Variants in NCKAP1 observed in about 807,000 individuals in gnomAD.
The protein encoded by NCKAP1 is NCK associated protein 1.
NCKAP1 carries 21 observed loss-of-function variants against 151.2 expected under a neutral mutation model. That is an observed-to-expected ratio of 0.14 (90% CI 0.10 to 0.20). The LOEUF is 0.20. NCKAP1 is among the 10% of genes least tolerant of loss of function. NCKAP1 has a pLI of 1.00. For synonymous variants in NCKAP1, 484 were observed against 451.8 expected, an observed-to-expected ratio of 1.07 and a Z score of -0.90; for missense variants, 933 against 1,352.1, an observed-to-expected ratio of 0.69 and a Z score of 4.86.
chr2:183,031,201 T>C (rs933033243), intron 1 of NCKAP1, among the ~76,000 whole-genome samples: 1 of 152,144 alleles, frequency 6.6e-6, no homozygotes, highest in Non-Finnish European at 1.5e-5. Context: ...CAACCCATTA[T>C]ACACTTCAAA....
At chr2:182,981,931 T>C (rs10201964) in intron 12 of NCKAP1, among the ~76,000 whole-genome samples, 1 of 140,886 alleles carries the variant, frequency 7.1e-6, no homozygotes, top group African/African-American at 2.6e-5. Flanking sequence ...AAAAAAAAAA[T>C]TTAAATTAAA....
chr2:183,019,702 C>G lies in NCKAP1; in HGVS notation c.219+4104G>C, dbSNP rs557771679. Among the ~76,000 whole-genome samples the G allele has an allele frequency of 9.9e-5, 15 of 152,262 alleles. No individual in the cohort carries two copies. In the South Asian group the frequency reaches 3.1e-3, roughly 32 times the overall value. ...ACATAACCTGGCACACATTAGATAACAAGTGGCTGCTATAATTATAAAACT... is the reference window on the plus strand; with the variant it reads ...ACATAACCTGGCACACATTAGATAAGAAGTGGCTGCTATAATTATAAAACT... On this transcript the variant is annotated intron_variant, in intron 2 of 30. Coordinates refer to ENST00000361354, the MANE Select transcript of NCKAP1 (RefSeq NM_013436.5).
chr2:182,995,198 C>A (rs935153429), intron 7 of NCKAP1, among the ~76,000 whole-genome samples: 2 of 152,120 alleles, frequency 1.3e-5, no homozygotes, highest in African/African-American at 4.8e-5. Flanking sequence ...TCAAAGTTTA[C>A]AATATTCCAA....
intron 16 of NCKAP1, among the ~76,000 whole-genome samples, chr2:182,965,038 C>A (rs1048983362): frequency 2.0e-4 from 30 of 151,976 alleles, no homozygotes; most frequent in African/African-American, 7.2e-4. Context: ...AAACCATAAT[C>A]TATGGCCTCT....
chr2:182,962,253 A>G lies in NCKAP1; in HGVS notation c.1787T>C (p.Leu596Pro). The G allele has an allele frequency of 6.2e-7, 1 of 1,609,628 alleles. No individual in the cohort carries two copies. Among genetic ancestry groups the G allele is most frequent in the Middle Eastern group, 1.7e-4 (1 of 6,052 alleles). Residue 596 changes from leucine (L) to proline (P), a missense_variant, in exon 18 of 31, where the codon CTT becomes CCT. Physicochemically the swap from Leu to Pro is moderately conservative, Grantham distance 98. This residue lies in a region of NCKAP1 where 607 missense variants were observed against 795.0 expected (regional missense o/e 0.76). Coordinates refer to ENST00000361354, the MANE Select transcript of NCKAP1 (RefSeq NM_013436.5). Reference sequence around the variant, plus strand: ...ATCTAGGAACATATTACATAAGGAAAGACTGCGATCTCCAATATGATGTCG... The same window carrying G: ...ATCTAGGAACATATTACATAAGGAAGGACTGCGATCTCCAATATGATGTCG... ...EERHHIGDRS[L>P]SLCNMFLDEM...
At chr2:182,935,497 A>G (rs941200045) in intron 24 of NCKAP1, 122 bp from the exon 25 acceptor site, 2 of 557,772 alleles carry the variant, frequency 3.6e-6, no homozygotes, top group African/African-American at 3.9e-5. Flanking sequence ...AGGCACAATT[A>G]ACAGTAATTT....
At chr2:182,936,265 ACT>A (rs1696872722) in intron 24 of NCKAP1, among the ~76,000 whole-genome samples, 1 of 151,892 alleles carries the variant, frequency 6.6e-6, no homozygotes, top group African/African-American at 2.4e-5. Context: ...AAAAAATAAA[ACT>A]CTGTTAACAA....
intron 26 of NCKAP1, chr2:182,934,522 A>C: frequency 3.5e-6 from 1 of 282,608 alleles, no homozygotes; most frequent in South Asian, 1.1e-4. Context: ...ATCTATTTTT[A>C]GTCAATTTTG....
chr2:183,011,115 A>T (rs573549902), intron 2 of NCKAP1, among the ~76,000 whole-genome samples: 2 of 152,286 alleles, frequency 1.3e-5, no homozygotes, highest in East Asian at 1.9e-4. Context: ...ATCAATTATC[A>T]TTTGCTCCTG....
In NCKAP1 at chr2:183,038,081, G is replaced by C; in HGVS notation, c.19C>G (p.Gln7Glu). 2.5e-6 allele frequency: 4 copies of C among 1,578,506 alleles called. No homozygotes were observed. The highest frequency in any genetic ancestry group is 3.4e-6 in the Non-Finnish European group (4 of 1,170,896). ...TCCGCCAGCTTCTGCTGACTGGGCT[G>C]CAGCACTGAGCGCGACATGGTGGTG... Reference protein sequence around the residue: MSRSVLQPSQQKLAEKL... With the variant: MSRSVLEPSQQKLAEKL... The change falls in exon 1 of 31, where the codon CAG becomes GAG. Residue 7 changes from glutamine (Q) to glutamate (E), a missense_variant. Transcript: ENST00000361354.
chr2:182,919,280 T>C lies in NCKAP1; in HGVS notation c.*6422A>G, dbSNP rs1696512359. ...CAGACTGCAAAGACCCTTGTACCTT[T>C]TGGCTGAAGGTAAGAATTCAGAATG... On this transcript the variant is annotated 3_prime_UTR_variant, in exon 31 of 31. Transcript: ENST00000361354. 6.6e-6 allele frequency: 1 copy of C among 152,204 alleles called. No homozygotes were observed. The highest frequency in any genetic ancestry group is 6.5e-5 in the Admixed American group (1 of 15,280). 9.4% of individuals were successfully genotyped at this position (152,204 alleles called of 1,614,324 possible). A position where few individuals can be genotyped will look rare whatever the true frequency, so the allele number is the denominator to read the frequency against.
In NCKAP1 at chr2:182,954,704, T is replaced by G. The variant is rs569820717; in HGVS notation, c.2154-1373A>C. 3.9e-4 allele frequency among the ~76,000 whole-genome samples: 60 copies of G among 152,224 alleles called. No homozygotes were observed. In the South Asian group the frequency reaches 0.011, roughly 29 times the overall value. On this transcript the variant is annotated intron_variant, in intron 20 of 30. Transcript: ENST00000361354. ...GGGAGGCTGAGGCAGGAGAATTGCT[T>G]GAACTTGGGAGATGGAGGTTGCAGT...
intron 18 of NCKAP1, among the ~76,000 whole-genome samples, chr2:182,960,814 A>C (rs543692074): frequency 2.6e-5 from 4 of 152,318 alleles, no homozygotes; most frequent in East Asian, 3.9e-4. Flanking sequence ...AATGGGAGAA[A>C]ATTTTTACAA....
chr2:182,942,165 TAA>T lies in NCKAP1; in HGVS notation c.2602-4_2602-3del, dbSNP rs140820523. On this transcript the variant is annotated splice_polypyrimidine_tract_variant and splice_region_variant and intron_variant, in intron 23 of 30. Transcript: ENST00000361354. The stretch of plus-strand genomic sequence containing the variant: ...ATCAACATTCTCCACCACAAGTTTC[TAA>T]AAAAAAAAGAAAGATCCTAGGTCAG... 3 of 1,459,676 alleles carry T rather than the reference TAA, an allele frequency of 2.1e-6. No homozygotes were observed. The highest frequency in any genetic ancestry group is 1.9e-5 in the Admixed American group (1 of 52,396). The allele number at this position is 1,459,676 out of a possible 1,614,324, so 90.4% of individuals were successfully genotyped here. A position where few individuals can be genotyped will look rare whatever the true frequency, so the allele number is the denominator to read the frequency against.
At position 183,002,527 on chromosome 2, in the gene NCKAP1, G is replaced by T. The variant is rs139898973; in HGVS notation, c.370-258C>A. On this transcript the variant is annotated intron_variant, in intron 4 of 30. Transcript: ENST00000361354. Reference sequence around the variant, plus strand: ...TATTCAAACTGGTAACAGTTCAAAAGAATAAAAGCCAGAATAATAAGGAAC... The same window carrying T: ...TATTCAAACTGGTAACAGTTCAAAATAATAAAAGCCAGAATAATAAGGAAC... Among the ~76,000 whole-genome samples, 798 of 152,092 alleles carry T rather than the reference G, an allele frequency of 5.2e-3. 5 individuals are homozygous for T. Among genetic ancestry groups the T allele is most frequent in the African/African-American group, 0.018 (731 of 41,500 alleles).
intron 8 of NCKAP1, 144 bp downstream of exon 8, chr2:182,994,695 G>A: frequency 1.5e-6 from 1 of 665,006 alleles, no homozygotes; most frequent in Middle Eastern, 2.6e-4. Context: ...ACTCTGATAG[G>A]ATCAATATGA....
At chr2:182,983,199 A>T (rs1300631077) in intron 11 of NCKAP1, 87 bp downstream of exon 11, 2 of 1,085,548 alleles carry the variant, frequency 1.8e-6, no homozygotes, top group Non-Finnish European at 2.7e-6. Context: ...GTAGTCCCTG[A>T]CTCAAATTTC....
chr2:182,914,421 T>C lies in NCKAP1; in HGVS notation c.*11281A>G, dbSNP rs1049643004. 1 of 152,224 alleles carries C rather than the reference T, an allele frequency of 6.6e-6. No homozygotes were observed. The highest frequency in any genetic ancestry group is 1.5e-5 in the Non-Finnish European group (1 of 68,038). The allele number at this position is 152,224 out of a possible 1,614,324, so 9.4% of individuals were successfully genotyped here. On this transcript the variant is annotated 3_prime_UTR_variant, in exon 31 of 31. Transcript: ENST00000361354. ...AATAGATTAAAACAGGCAATTTCTATTTCTTTAACTTTCCTACTCAAGCAT... is the reference window on the plus strand; with the variant it reads ...AATAGATTAAAACAGGCAATTTCTACTTCTTTAACTTTCCTACTCAAGCAT...
In NCKAP1 at chr2:182,922,202, T is replaced by C. The variant is rs528295114; in HGVS notation, c.*3500A>G. On this transcript the variant is annotated 3_prime_UTR_variant, in exon 31 of 31. Transcript: ENST00000361354. ...GCAAGTCCTTATAACAGAATGGGCA[T>C]GGATCATGTACTAATCAGTAGGTTA... 6.6e-6 allele frequency: 1 copy of C among 152,348 alleles called. No homozygotes were observed. The highest frequency in any genetic ancestry group is 2.1e-4 in the South Asian group (1 of 4,828). 9.4% of individuals were successfully genotyped at this position (152,348 alleles called of 1,614,324 possible). A position where few individuals can be genotyped will look rare whatever the true frequency, so the allele number is the denominator to read the frequency against.
Sources: allele counts gnomAD v4.1 joint callset (sites outside exome capture counted in the v4.1 genomes callset), GRCh38; gene constraint gnomAD v4.1.1; regional missense constraint gnomAD v4.1.1; transcripts MANE v1.5; gene names NCBI Gene and HGNC (gene_info 2026-07-23, HGNC 2026-07-21).